The following BCKDHB variants were observed in gnomAD, a reference collection of about 807,000 sequenced individuals.
The protein encoded by BCKDHB is 2-oxoisovalerate dehydrogenase subunit beta, mitochondrial.
In BCKDHB, 41 loss-of-function variants were observed where a neutral mutation model predicts 48.5. The observed-to-expected ratio is 0.85, with a 90% confidence interval of 0.66 to 1.10. The LOEUF is 1.10. Ranked by LOEUF, BCKDHB falls within the 50% of genes least tolerant of loss-of-function variation. The pLI, the probability that BCKDHB is intolerant of heterozygous loss-of-function variation, is 0.00. For synonymous variants in BCKDHB, 201 were observed against 174.8 expected, an observed-to-expected ratio of 1.15 and a Z score of -1.18; for missense variants, 496 against 494.2, an observed-to-expected ratio of 1.00 and a Z score of -0.03.
At chr6:80,431,282 A>C in the BCKDHB span, among the ~76,000 whole-genome samples, 14 of 152,344 alleles carry the variant, frequency 9.2e-5, no homozygotes, top group Non-Finnish European at 1.8e-4. Context: ...GTTGCTGAGA[A>C]GAATGTATAT....
At chr6:80,302,265 A>G (rs1034215057) in intron 9 of BCKDHB, among the ~76,000 whole-genome samples, 6 of 152,192 alleles carry the variant, frequency 3.9e-5, no homozygotes, top group African/African-American at 9.6e-5. Flanking sequence ...AGACTCTGCC[A>G]AAAGGCTACT....
the BCKDHB span, among the ~76,000 whole-genome samples, chr6:80,370,589 A>G: frequency 2.6e-5 from 4 of 152,002 alleles, no homozygotes; most frequent in Non-Finnish European, 4.4e-5. Context: ...CCATTATATC[A>G]TTCTTATTCC....
At chr6:80,263,455 A>C (rs1458282679) in intron 8 of BCKDHB, among the ~76,000 whole-genome samples, 1 of 152,128 alleles carries the variant, frequency 6.6e-6, no homozygotes, top group Admixed American at 6.6e-5. Context: ...ACTACAAAAG[A>C]TATGTGTAAT....
intron 8 of BCKDHB, among the ~76,000 whole-genome samples, 157 bp from the exon 9 acceptor site, chr6:80,272,978 G>A (rs1777813322): frequency 6.6e-6 from 1 of 151,958 alleles, no homozygotes; most frequent in East Asian, 1.9e-4. Flanking sequence ...CTGACCTGTC[G>A]AAAGCGAGTT....
At chr6:80,426,959 C>A in the BCKDHB span, among the ~76,000 whole-genome samples, 1 of 151,940 alleles carries the variant, frequency 6.6e-6, no homozygotes, top group East Asian at 1.9e-4. Context: ...TTTTATATTT[C>A]TTTTCTCAGT....
chr6:80,414,739 C>A, the BCKDHB span, among the ~76,000 whole-genome samples: 1 of 152,034 alleles, frequency 6.6e-6, no homozygotes, highest in Non-Finnish European at 1.5e-5. Flanking sequence ...GCTATTGGGG[C>A]TCTTTATGGT....
At chr6:80,446,460 G>T in the BCKDHB span, among the ~76,000 whole-genome samples, 5 of 152,180 alleles carry the variant, frequency 3.3e-5, no homozygotes, top group Non-Finnish European at 7.3e-5. Context: ...CAGCAGACCT[G>T]CTCCACTTAG....
At chr6:80,252,863 G>A (rs1006152218) in intron 8 of BCKDHB, among the ~76,000 whole-genome samples, 1 of 152,032 alleles carries the variant, frequency 6.6e-6, no homozygotes, top group African/African-American at 2.4e-5. Flanking sequence ...CAGTTAAATA[G>A]GTTGTTTGTA....
intron 8 of BCKDHB, among the ~76,000 whole-genome samples, chr6:80,254,718 A>G (rs1443849156): frequency 6.6e-6 from 1 of 152,208 alleles, no homozygotes; most frequent in Non-Finnish European, 1.5e-5. Flanking sequence ...ACACAACACA[A>G]TAAAACAAAA....
chr6:80,339,171 C>T (rs1411135687), intron 9 of BCKDHB, among the ~76,000 whole-genome samples: 1 of 152,084 alleles, frequency 6.6e-6, no homozygotes, highest in Non-Finnish European at 1.5e-5. Flanking sequence ...CCAAGGAAAC[C>T]TGTGAAAACC....
chr6:80,154,756 A>G (rs1771957406), intron 3 of BCKDHB, among the ~76,000 whole-genome samples: 1 of 152,190 alleles, frequency 6.6e-6, no homozygotes, highest in Non-Finnish European at 1.5e-5. Flanking sequence ...TAACTATGAT[A>G]ATTCAGATAA....
chr6:80,271,895 A>G (rs1336127980), intron 8 of BCKDHB, among the ~76,000 whole-genome samples: 3 of 151,608 alleles, frequency 2.0e-5, no homozygotes, highest in Non-Finnish European at 4.4e-5. Context: ...CATCTTTTAG[A>G]AAACACTTTG....
chr6:80,204,142 T>C (rs9448911), intron 8 of BCKDHB, among the ~76,000 whole-genome samples: 99,534 of 152,016 alleles, frequency 0.65, 33,447 homozygotes, highest in African/African-American at 0.8. Context: ...CTTTGGCATT[T>C]TCATAGCTTT....
At chr6:80,400,144 G>A in the BCKDHB span, among the ~76,000 whole-genome samples, 1 of 151,964 alleles carries the variant, frequency 6.6e-6, no homozygotes, top group African/African-American at 2.4e-5. Context: ...GACAACATAA[G>A]CAATAAGATT....
rs1328608014 is a variant in BCKDHB, at chr6:80,106,889, G to A, written c.196G>A (p.Gly66Arg). 6.2e-7 allele frequency: 1 copy of A among 1,602,610 alleles called. No individual in the cohort carries two copies. Among genetic ancestry groups the A allele is most frequent in the Non-Finnish European group, 8.5e-7 (1 of 1,175,476 alleles). Residue 66 changes from glycine (G) to arginine (R), a missense_variant and splice_region_variant, in exon 1 of 10, where the codon GGG becomes AGG. Physicochemically the swap from Gly to Arg is moderately radical, Grantham distance 125 (BLOSUM62 -2). Transcript: ENST00000320393. ...FQPDPEPREYGQTQKMNLFQS... is the reference protein window; with the variant it reads ...FQPDPEPREYRQTQKMNLFQS... ...GCCAGATCCGGAGCCCCGGGAGTACGGTGAGCCCTGGGACTGCCCACTCGG... is the reference window on the plus strand; with the variant it reads ...GCCAGATCCGGAGCCCCGGGAGTACAGTGAGCCCTGGGACTGCCCACTCGG...
At chr6:80,416,966 G>T in the BCKDHB span, among the ~76,000 whole-genome samples, 1 of 151,740 alleles carries the variant, frequency 6.6e-6, no homozygotes, top group South Asian at 2.1e-4. Context: ...AAAATCTCCC[G>T]CTGTCATTGT....
chr6:80,293,116 A>T (rs1331930226), intron 9 of BCKDHB, among the ~76,000 whole-genome samples: 1 of 152,128 alleles, frequency 6.6e-6, no homozygotes, highest in Non-Finnish European at 1.5e-5. Flanking sequence ...TTTGGGGTCG[A>T]GAGGACGGTG....
intron 6 of BCKDHB, among the ~76,000 whole-genome samples, chr6:80,194,750 C>G (rs1345313068): frequency 6.6e-6 from 1 of 152,164 alleles, no homozygotes; most frequent in African/African-American, 2.4e-5. Context: ...TGAATATGTA[C>G]CCCACTGCTA....
At chr6:80,394,702 C>T in the BCKDHB span, among the ~76,000 whole-genome samples, 2 of 152,158 alleles carry the variant, frequency 1.3e-5, no homozygotes, top group African/African-American at 4.8e-5. Context: ...CTGTCAGTAG[C>T]TACAGGTCTG....
Sources: gnomAD v4.1 joint callset for allele counts (sites outside exome capture counted in the v4.1 genomes callset) on GRCh38, gnomAD v4.1.1 for gene constraint, MANE v1.5 for transcripts, NCBI Gene and HGNC (gene_info 2026-07-23, HGNC 2026-07-21) for gene names.